Variants in ACTG2 observed in about 807,000 individuals in gnomAD.
ACTG2 encodes the protein actin gamma 2, smooth muscle.
In ACTG2, 16 loss-of-function variants were observed where a neutral mutation model predicts 37.6. That is an observed-to-expected ratio of 0.43 (90% confidence interval 0.29 to 0.65). The LOEUF (loss-of-function observed/expected upper bound fraction) is 0.65, where lower values mean the gene tolerates loss of function less well. Among genes scored for constraint, ACTG2 ranks in the 30% least tolerant of loss-of-function variants. The pLI, the probability that ACTG2 is intolerant of heterozygous loss-of-function variation, is 0.18. For missense variants in ACTG2, 238 were observed against 490.9 expected (o/e 0.48, Z 4.87); for synonymous variants, 181 against 179.9 (o/e 1.01, Z -0.05).
At position 73,901,353 on chromosome 2, in the gene ACTG2, C is replaced by T. The variant is rs753346451; in HGVS notation, c.42C>T (p.Gly14=). The change falls in exon 2 of 9, where the codon GGC becomes GGT. Residue 14 remains glycine, a synonymous_variant. Transcript: ENST00000345517. Reference sequence around the variant, plus strand: ...CCACCGCGCTCGTGTGTGACAATGGCTCTGGCCTGTGCAAGGCAGGCTTCG... The same window carrying T: ...CCACCGCGCTCGTGTGTGACAATGGTTCTGGCCTGTGCAAGGCAGGCTTCG... ...EETTALVCDN[G]SGLCKAGFAG... is the part of the protein sequence containing the mutation. The T allele has an allele frequency of 3.7e-6, 6 of 1,614,030 alleles. No homozygotes were observed. The highest frequency in any genetic ancestry group is 5.1e-6 in the Non-Finnish European group (6 of 1,179,938).
chr2:73,897,401 T>C (rs831541), intron 1 of ACTG2: 127,209 of 152,558 alleles, frequency 0.83, 53,501 homozygotes, highest in African/African-American at 0.94. Flanking sequence ...GCTACTTCCT[T>C]GCTTTGGAGG....
intron 8 of ACTG2, among the ~76,000 whole-genome samples, chr2:73,917,317 A>T (rs1416769377): frequency 2.0e-5 from 3 of 152,220 alleles, no homozygotes; most frequent in African/African-American, 7.2e-5. Flanking sequence ...GAAGGAGGGT[A>T]AAAGTTCCAA....
At chr2:73,896,303 C>A (rs1005008268) in intron 1 of ACTG2, among the ~76,000 whole-genome samples, 1 of 149,376 alleles carries the variant, frequency 6.7e-6, no homozygotes, top group African/African-American at 2.5e-5. Flanking sequence ...CTTGATGGTG[C>A]CACTGGACTC....
chr2:73,904,777 GTATATATATATATATATA>G (rs199782884), intron 3 of ACTG2, among the ~76,000 whole-genome samples: 1,871 of 42,628 alleles, frequency 0.044, 22 homozygotes, highest in Middle Eastern at 0.091. Context: ...GTGTGTGTGT[GTATATATATATATATATA>G]TATATATATA....
At chr2:73,913,290 C>T (rs1042735240) in intron 5 of ACTG2, among the ~76,000 whole-genome samples, 195 bp from the exon 6 acceptor site, 22 of 151,956 alleles carry the variant, frequency 1.4e-4, no homozygotes, top group African/African-American at 5.3e-4. Context: ...CTCCAGAGGC[C>T]TACAGTCTCA....
Position 73,918,224 on chromosome 2 carries a change from G to C in ACTG2, c.988-1208G>C, listed in dbSNP as rs138841854. 4.1e-3 allele frequency among the ~76,000 whole-genome samples: 617 copies of C among 152,292 alleles called. 3 individuals carry two copies. The highest frequency in any genetic ancestry group is 0.014 in the African/African-American group (583 of 41,554). ...AGCAGGATTTGTTATAGGGGAACTG[G>C]GGGAGATGAGGCAAGTCTCAAGGAC... On this transcript the variant is annotated intron_variant, in intron 8 of 8. Transcript: ENST00000345517.
chr2:73,919,727 T>G lies in ACTG2; in HGVS notation c.*152T>G. ...GCTAAGGACTTTTCACACATTACTTTTAATCCATGCAATAGTGCTGTAAGG... is the reference window on the plus strand; with the variant it reads ...GCTAAGGACTTTTCACACATTACTTGTAATCCATGCAATAGTGCTGTAAGG... On this transcript the variant is annotated 3_prime_UTR_variant, in exon 9 of 9. Transcript: ENST00000345517. 1 of 797,812 alleles carries G rather than the reference T, an allele frequency of 1.3e-6. No individual in the cohort carries two copies. The highest frequency in any genetic ancestry group is 1.9e-6 in the Non-Finnish European group (1 of 527,344). 49.4% of individuals were successfully genotyped at this position (797,812 alleles called of 1,614,324 possible).
intron 5 of ACTG2, among the ~76,000 whole-genome samples, chr2:73,909,534 G>A (rs1680083652): frequency 1.3e-5 from 2 of 152,206 alleles, no homozygotes; most frequent in Admixed American, 1.3e-4. Flanking sequence ...CTTTGTCACT[G>A]TGGGAACATC....
rs757370414 is a variant in ACTG2 at position 73,914,723 on chromosome 2, T to C, written c.657T>C (p.Tyr219=). The C allele has an allele frequency of 6.2e-7, 1 of 1,610,412 alleles. No homozygotes were observed. The highest frequency in any genetic ancestry group is 8.5e-7 in the Non-Finnish European group (1 of 1,178,138). ...IVRDIKEKLC[Y]VALDFENEMA... is the part of the protein sequence containing the mutation. Reference sequence around the variant, plus strand: ...GAGACATCAAGGAGAAGCTGTGCTATGTGGCCCTGGATTTTGAGAATGAGA... The same window carrying C: ...GAGACATCAAGGAGAAGCTGTGCTACGTGGCCCTGGATTTTGAGAATGAGA... The change falls in exon 7 of 9, where the codon TAT becomes TAC. Residue 219 remains tyrosine, a synonymous_variant. Coordinates refer to ENST00000345517, the MANE Select transcript of ACTG2 (RefSeq NM_001615.4).
chr2:73,901,595 T>C (rs1432898209), intron 2 of ACTG2, 158 bp downstream of exon 2: 2 of 632,526 alleles, frequency 3.2e-6, no homozygotes, highest in African/African-American at 3.3e-5. Context: ...TGCGTGTGTG[T>C]GTGTGTGTGT....
chr2:73,914,774 C>T lies in ACTG2; in HGVS notation c.708C>T (p.Ser236=), dbSNP rs370526448. 1.9e-6 allele frequency: 3 copies of T among 1,612,546 alleles called. No homozygotes were observed. The African/African-American group carries it at 4.0e-5, about 22-fold the overall frequency. ...TGGCCACAGCAGCTTCCTCTTCCTC[C>T]CTGGAGAAGAGCTATGAGCTGCCAG... ...NEMATAASSS[S]LEKSYELPDG... The change falls in exon 7 of 9, where the codon TCC becomes TCT. Residue 236 remains serine, a synonymous_variant. Transcript: ENST00000345517.
chr2:73,916,512 T>A, intron 7 of ACTG2, 72 bp from the exon 8 acceptor site: 1 of 1,380,814 alleles, frequency 7.2e-7, no homozygotes, highest in Non-Finnish European at 9.9e-7. Context: ...CGAAGAAGGG[T>A]CATTTGAGGA....
At chr2:73,901,189 G>C (rs745368517) in intron 1 of ACTG2, 87 bp from the exon 2 acceptor site, 20 of 1,119,104 alleles carry the variant, frequency 1.8e-5, no homozygotes, top group Admixed American at 3.5e-5. Context: ...CCTGATTGCA[G>C]GTAGGGTCAG....
intron 3 of ACTG2, among the ~76,000 whole-genome samples, chr2:73,906,075 A>G (rs1187091895): frequency 1.3e-5 from 2 of 151,920 alleles, no homozygotes; most frequent in African/African-American, 4.8e-5. Flanking sequence ...ATACATAAAG[A>G]CAAAGGTTAG....
At chr2:73,898,854 G>A (rs1479284291) in intron 1 of ACTG2, among the ~76,000 whole-genome samples, 3 of 145,644 alleles carry the variant, frequency 2.1e-5, no homozygotes, top group Non-Finnish European at 4.5e-5. Context: ...CCAGGCTGGA[G>A]TGCAGTGGCT....
chr2:73,902,322 C>T (rs922925882), intron 2 of ACTG2, 38 bp from the exon 3 acceptor site: 10 of 1,608,658 alleles, frequency 6.2e-6, no homozygotes, highest in Middle Eastern at 1.9e-4. Flanking sequence ...GTGGAGCCCT[C>T]AGCCATTCAT....
chr2:73,893,639 C>A (rs544136278), intron 1 of ACTG2, among the ~76,000 whole-genome samples: 1 of 152,186 alleles, frequency 6.6e-6, no homozygotes, highest in African/African-American at 2.4e-5. Context: ...GGAGAAAATT[C>A]CACTTGCCCT....
intron 2 of ACTG2, chr2:73,901,758 G>T: frequency 2.9e-6 from 1 of 339,838 alleles, no homozygotes. Context: ...TACATTTGGG[G>T]GGTTGCCAGG....
Position 73,902,403 on chromosome 2 carries a change from A to T in ACTG2, c.170A>T (p.Asp57Val). 1 of 1,613,818 alleles carries T rather than the reference A, an allele frequency of 6.2e-7. No homozygotes were observed. The highest frequency in any genetic ancestry group is 8.5e-7 in the Non-Finnish European group (1 of 1,179,970). ...GMGQKDSYVG[D>V]EAQSKRGILT... ...GGCCAGAAAGACAGCTATGTGGGGG[A>T]TGAGGCTCAGAGCAAGCGAGGGATC... Residue 57 changes from aspartate to valine, a missense_variant, in exon 3 of 9, where the codon GAT becomes GTT. Physicochemically the swap from Asp to Val is radical, Grantham distance 152 (BLOSUM62 -3). Coordinates refer to ENST00000345517, the MANE Select transcript of ACTG2 (RefSeq NM_001615.4).
Sources: allele counts gnomAD v4.1 joint callset (sites outside exome capture counted in the v4.1 genomes callset), GRCh38; gene constraint gnomAD v4.1.1; transcripts MANE v1.5; gene names NCBI Gene and HGNC (gene_info 2026-07-23, HGNC 2026-07-21).